The following SCAF4 variants were observed in gnomAD, a reference collection of about 807,000 sequenced individuals.
The protein encoded by SCAF4 is SR-related and CTD-associated factor 4.
A neutral mutation model predicts 129.8 loss-of-function variants in SCAF4; 25 were observed. That is an observed-to-expected ratio of 0.19 (90% CI 0.14 to 0.27). The LOEUF is 0.27. SCAF4 is among the 10% of genes least tolerant of loss of function. The pLI is 1.00. For missense variants in SCAF4, 1,246 were observed against 1,457.1 expected (o/e 0.86, Z 2.36); for synonymous variants, 551 against 497.7 (o/e 1.11, Z -1.43).
At chr21:31,694,721 T>A in intron 10 of SCAF4, 92 bp downstream of exon 10, 1 of 1,288,190 alleles carries the variant, frequency 7.8e-7, no homozygotes, top group African/African-American at 1.5e-5. Flanking sequence ...TTCTTCATAT[T>A]CAAAAATGAA....
At chr21:31,718,477 G>C (rs2050992539) in intron 1 of SCAF4, among the ~76,000 whole-genome samples, 2 of 151,916 alleles carry the variant, frequency 1.3e-5, no homozygotes, top group Admixed American at 1.3e-4. Flanking sequence ...TTTCTTTTTG[G>C]TACAGATGGG....
intron 7 of SCAF4, among the ~76,000 whole-genome samples, chr21:31,697,101 A>C (rs139311844): frequency 1.1e-3 from 173 of 152,314 alleles, no homozygotes; most frequent in Non-Finnish European, 2.0e-3. Context: ...GCACATGAAA[A>C]TGGGTATACA....
chr21:31,696,076 T>C (rs775875667), intron 9 of SCAF4, 37 bp downstream of exon 9: 145 of 1,450,722 alleles, frequency 1.0e-4, no homozygotes, highest in South Asian at 2.3e-5. Context: ...CTATAATGAA[T>C]AGATCTTTCT....
At chr21:31,730,566 T>C (rs2051324285) in intron 1 of SCAF4, among the ~76,000 whole-genome samples, 1 of 152,248 alleles carries the variant, frequency 6.6e-6, no homozygotes, top group African/African-American at 2.4e-5. Context: ...AGCACGTTTT[T>C]AACGCCACAT....
At chr21:31,691,778 A>C in intron 14 of SCAF4, 39 bp downstream of exon 14, 1 of 1,148,436 alleles carries the variant, frequency 8.7e-7, no homozygotes, top group Non-Finnish European at 1.2e-6. Flanking sequence ...CCTTCTGCCT[A>C]TTTAAAAAAA....
At chr21:31,691,781 TAA>T (rs11351108) in intron 14 of SCAF4, 34 bp downstream of exon 14, 7 of 1,120,920 alleles carry the variant, frequency 6.2e-6, no homozygotes, top group Non-Finnish European at 8.7e-6. Flanking sequence ...TCTGCCTATT[TAA>T]AAAAAAAATT....
At chr21:31,702,403 T>C (rs2050555020) in intron 4 of SCAF4, 24 bp from the exon 5 acceptor site, 3 of 1,604,134 alleles carry the variant, frequency 1.9e-6, no homozygotes, top group African/African-American at 2.7e-5. Flanking sequence ...GAAACACAAA[T>C]ATACAATAAA....
chr21:31,712,648 C>T (rs1363259225), intron 1 of SCAF4, among the ~76,000 whole-genome samples: 1 of 151,774 alleles, frequency 6.6e-6, no homozygotes, highest in African/African-American at 2.4e-5. Context: ...CCTGCCTCAG[C>T]CTCCCGAGTA....
In SCAF4 at chr21:31,672,487, A is replaced by C. The variant is rs2049735055; in HGVS notation, c.2489-133T>G. 5.2e-5 allele frequency: 39 copies of C among 752,138 alleles called. 1 individual carries two copies. In the South Asian group the frequency reaches 6.4e-4, roughly 12 times the overall value. The allele number at this position is 752,138 out of a possible 1,614,324, so 46.6% of individuals were successfully genotyped here. The stretch of plus-strand genomic sequence containing the variant: ...AAATTTCATAGTTTGCCACTCTGTC[A>C]CAAACCCAGTGTGAGGCCTAGTAAC... On this transcript the variant is annotated intron_variant, in intron 19 of 19. Coordinates refer to ENST00000286835, the MANE Select transcript of SCAF4 (RefSeq NM_020706.2).
chr21:31,705,418 G>C lies in SCAF4; in HGVS notation c.159+5C>G. 1 of 1,225,302 alleles carries C rather than the reference G, an allele frequency of 8.2e-7. No individual in the cohort carries two copies. Among genetic ancestry groups the C allele is most frequent in the South Asian group, 1.4e-5 (1 of 71,060 alleles). The allele number at this position is 1,225,302 out of a possible 1,614,324, so 75.9% of individuals were successfully genotyped here. The stretch of plus-strand genomic sequence containing the variant: ...TAAAATGAGGTTATAATGAGAGATA[G>C]TTACCTTTTTGATGAACTTTTCTAC... On this transcript the variant is annotated splice_donor_5th_base_variant and intron_variant, in intron 3 of 19. Coordinates refer to ENST00000286835, the MANE Select transcript of SCAF4 (RefSeq NM_020706.2).
chr21:31,713,844 G>C (rs1281182815), intron 1 of SCAF4, among the ~76,000 whole-genome samples: 1 of 152,052 alleles, frequency 6.6e-6, no homozygotes, highest in Non-Finnish European at 1.5e-5. Flanking sequence ...ATTATACACA[G>C]AGTAGACAAC....
intron 1 of SCAF4, among the ~76,000 whole-genome samples, chr21:31,708,242 G>A (rs1378843779): frequency 6.6e-5 from 10 of 151,974 alleles, no homozygotes; most frequent in Non-Finnish European, 7.4e-5. Flanking sequence ...ACAAAATGGT[G>A]GCGGGCACCT....
intron 19 of SCAF4, among the ~76,000 whole-genome samples, chr21:31,673,890 C>G (rs1224025525): frequency 6.6e-6 from 1 of 151,746 alleles, no homozygotes; most frequent in Admixed American, 6.6e-5. Context: ...CTAAAATGAC[C>G]AATGTTTACT....
rs370361514 is a variant in SCAF4 at position 31,725,827 on chromosome 21, G to A, written c.30+5836C>T. 3.3e-5 allele frequency among the ~76,000 whole-genome samples: 5 copies of A among 152,122 alleles called. No homozygotes were observed. The East Asian group carries it at 5.8e-4, about 18-fold the overall frequency. The stretch of plus-strand genomic sequence containing the variant: ...TTTATTAAACCAAAGTTTAAATGAC[G>A]TGCAAAAATGCAAAATGATGTCACT... On this transcript the variant is annotated intron_variant, in intron 1 of 19. Coordinates refer to ENST00000286835, the MANE Select transcript of SCAF4 (RefSeq NM_020706.2).
In SCAF4 at chr21:31,671,221, ATTT is replaced by A; in HGVS notation, c.*175_*177del. The A allele has an allele frequency of 1.9e-6, 1 of 524,256 alleles. No individual in the cohort carries two copies. The allele number at this position is 524,256 out of a possible 1,614,324, so 32.5% of individuals were successfully genotyped here. On this transcript the variant is annotated 3_prime_UTR_variant, in exon 20 of 20. Coordinates refer to ENST00000286835, the MANE Select transcript of SCAF4 (RefSeq NM_020706.2). ...GGTAATATTTATTCATATTTTCAGT[ATTT>A]TTTGTTATTTTGTGGCTATTTTTAA...
chr21:31,713,184 T>C (rs2050846521), intron 1 of SCAF4, among the ~76,000 whole-genome samples: 1 of 152,242 alleles, frequency 6.6e-6, no homozygotes, highest in Non-Finnish European at 1.5e-5. Flanking sequence ...GTCACCAATA[T>C]TGTTTGAGGA....
intron 1 of SCAF4, among the ~76,000 whole-genome samples, chr21:31,731,110 G>A (rs2051342209): frequency 6.6e-6 from 1 of 152,206 alleles, no homozygotes; most frequent in Non-Finnish European, 1.5e-5. Context: ...CCCGGAGAAG[G>A]GGGATGAACA....
At chr21:31,673,442 C>A (rs1262703299) in intron 19 of SCAF4, among the ~76,000 whole-genome samples, 2 of 132,148 alleles carry the variant, frequency 1.5e-5, no homozygotes, top group Non-Finnish European at 3.2e-5. Context: ...AAGAAAAATA[C>A]TTGGGTGACA....
intron 19 of SCAF4, among the ~76,000 whole-genome samples, chr21:31,674,189 G>A (rs1361481556): frequency 6.6e-6 from 1 of 152,120 alleles, no homozygotes; most frequent in African/African-American, 2.4e-5. Flanking sequence ...GGGCCCTGAT[G>A]ATAAAATACA....
Sources: allele counts gnomAD v4.1 joint callset (sites outside exome capture counted in the v4.1 genomes callset), GRCh38; gene constraint gnomAD v4.1.1; transcripts MANE v1.5; gene names NCBI Gene and HGNC (gene_info 2026-07-23, HGNC 2026-07-21).